The following DDX31 variants were observed in gnomAD, a reference collection of about 807,000 sequenced individuals.
The protein encoded by DDX31 is ATP-dependent DNA helicase DDX31.
In DDX31, 70 loss-of-function variants were observed where a neutral mutation model predicts 91.3. That is an observed-to-expected ratio of 0.77 (90% CI 0.63 to 0.94). The LOEUF (loss-of-function observed/expected upper bound fraction) is 0.94. DDX31 is among the 40% of genes least tolerant of loss of function. The pLI is 0.00. For missense variants in DDX31, 902 were observed against 925.0 expected (o/e 0.98, Z 0.32); for synonymous variants, 362 against 350.6 (o/e 1.03, Z -0.36).
chr9:132,606,559 C>T (rs759581820), intron 19 of DDX31, among the ~76,000 whole-genome samples: 6 of 152,214 alleles, frequency 3.9e-5, no homozygotes, highest in South Asian at 2.1e-4. Flanking sequence ...TCACCAGATG[C>T]TCCCGCTTAT....
At position 132,658,774 on chromosome 9, in the gene DDX31, C is replaced by T. The variant is rs781595006; in HGVS notation, c.524-39G>A. On this transcript the variant is annotated intron_variant, in intron 5 of 19. Transcript: ENST00000372159. ...AGCAGAAGCAATTAAAATCACACAC[C>T]CTACAGATGTTTAAGAAAAGCAAAG... The T allele has an allele frequency of 4.6e-5, 73 of 1,579,704 alleles. 1 individual carries two copies. Among genetic ancestry groups the T allele is most frequent in the Non-Finnish European group, 6.2e-5 (72 of 1,156,474 alleles).
In DDX31 at chr9:132,651,118, T is replaced by C. The variant is rs1180360122; in HGVS notation, c.634-2A>G. 1.9e-6 allele frequency: 3 copies of C among 1,608,420 alleles called. No individual in the cohort carries two copies. The highest frequency in any genetic ancestry group is 2.5e-6 in the Non-Finnish European group (3 of 1,178,176). ...AGTGTCAAAGCTTTGTAGAGCTAGC[T>C]GTAAAAATTTTAAAAGTTATAGATG... On this transcript the variant is annotated splice_acceptor_variant, in intron 7 of 19. Transcript: ENST00000372159. LOFTEE classifies it high-confidence loss of function.
At position 132,627,710 on chromosome 9, in the gene DDX31, G is replaced by A. The variant is rs781390109; in HGVS notation, c.1632-1965C>T. On this transcript the variant is annotated intron_variant, in intron 16 of 19. Transcript: ENST00000372159. ...TCTAGACAGAGGTGGCAATGGCCCAGGAACCTGTCTCTTGCCCTGTCTGCT... is the reference window on the plus strand; with the variant it reads ...TCTAGACAGAGGTGGCAATGGCCCAAGAACCTGTCTCTTGCCCTGTCTGCT... 9.9e-5 allele frequency among the ~76,000 whole-genome samples: 15 copies of A among 152,226 alleles called. 1 individual carries two copies. Among genetic ancestry groups the A allele is most frequent in the Non-Finnish European group, 1.9e-4 (13 of 68,044 alleles).
intron 19 of DDX31, among the ~76,000 whole-genome samples, chr9:132,608,957 C>T (rs747064719): frequency 3.0e-4 from 45 of 152,174 alleles, no homozygotes; most frequent in Admixed American, 6.5e-5. Flanking sequence ...TGCAGATTAG[C>T]TGCAAAGTCA....
intron 14 of DDX31, among the ~76,000 whole-genome samples, chr9:132,636,043 C>G (rs966800694): frequency 2.6e-5 from 4 of 152,204 alleles, no homozygotes; most frequent in Non-Finnish European, 4.4e-5. Context: ...CATCACTCCC[C>G]CAGAAGGACC....
chr9:132,664,365 C>T (rs1420523847), intron 1 of DDX31, among the ~76,000 whole-genome samples: 1 of 152,154 alleles, frequency 6.6e-6, no homozygotes, highest in East Asian at 1.9e-4. Flanking sequence ...AAAGCAAGTA[C>T]TCAGAGTTAA....
chr9:132,616,961 C>G (rs1216732214), intron 18 of DDX31, among the ~76,000 whole-genome samples: 1 of 152,198 alleles, frequency 6.6e-6, no homozygotes, highest in Admixed American at 6.5e-5. Context: ...CTGGTGACCA[C>G]AATTGCTCCT....
chr9:132,613,594 T>C (rs1439954941), intron 18 of DDX31, among the ~76,000 whole-genome samples: 1 of 152,172 alleles, frequency 6.6e-6, no homozygotes. Flanking sequence ...CTCAGGAGGC[T>C]GAGGCAGGAG....
chr9:132,601,321 TG>T (rs551099171), intron 19 of DDX31, among the ~76,000 whole-genome samples: 97 of 152,308 alleles, frequency 6.4e-4, no homozygotes, highest in African/African-American at 2.2e-3. Flanking sequence ...GAAGGTAGGG[TG>T]GCATAACTGT....
chr9:132,611,240 A>G (rs778971097), intron 19 of DDX31, among the ~76,000 whole-genome samples: 42 of 152,206 alleles, frequency 2.8e-4, no homozygotes, highest in Non-Finnish European at 3.4e-4. Flanking sequence ...TTGAACCCAG[A>G]AATCAGGACA....
intron 1 of DDX31, chr9:132,669,483 C>G (rs964397484): frequency 3.5e-6 from 3 of 861,906 alleles, no homozygotes; most frequent in Non-Finnish European, 4.8e-6. Context: ...AAAAAAAAAT[C>G]AGAGCTTAGT....
intron 8 of DDX31, among the ~76,000 whole-genome samples, 167 bp downstream of exon 8, chr9:132,650,908 G>A (rs557750923): frequency 6.6e-6 from 1 of 152,312 alleles, no homozygotes; most frequent in Non-Finnish European, 1.5e-5. Context: ...CTAGAAATTG[G>A]TAGGTTTAGA....
At position 132,594,055 on chromosome 9, in the gene DDX31, G is replaced by A. The variant is rs1224844412; in HGVS notation, c.*811C>T. ...GGTCGGGGGCGGGGGGCGGGCAGCT[G>A]TGGCCTGGGTCACAATACAAAGACC... On this transcript the variant is annotated 3_prime_UTR_variant, in exon 20 of 20. Coordinates refer to ENST00000372159, the MANE Select transcript of DDX31 (RefSeq NM_022779.9). 6.6e-6 allele frequency: 1 copy of A among 151,920 alleles called. No individual in the cohort carries two copies. The highest frequency in any genetic ancestry group is 1.5e-5 in the Non-Finnish European group (1 of 67,976). 9.4% of individuals were successfully genotyped at this position (151,920 alleles called of 1,614,324 possible). A position where few individuals can be genotyped will look rare whatever the true frequency, so the allele number is the denominator to read the frequency against.
intron 6 of DDX31, chr9:132,658,103 C>T (rs902762346): frequency 5.4e-6 from 3 of 557,016 alleles, no homozygotes; most frequent in African/African-American, 1.9e-5. Context: ...ACCAAATCAC[C>T]TTTATTGAGT....
chr9:132,612,385 CAT>C, intron 18 of DDX31, 130 bp from the exon 19 acceptor site: 1 of 950,112 alleles, frequency 1.1e-6, no homozygotes, highest in Non-Finnish European at 1.6e-6. Context: ...ACAATTACAA[CAT>C]ATACAAACAA....
intron 6 of DDX31, among the ~76,000 whole-genome samples, chr9:132,654,536 C>T (rs567084714): frequency 1.3e-5 from 2 of 152,230 alleles, no homozygotes; most frequent in South Asian, 2.1e-4. Flanking sequence ...TCTCTTGAAC[C>T]CAGGAGGTGG....
chr9:132,634,357 C>T (rs1832970417), intron 14 of DDX31, among the ~76,000 whole-genome samples: 1 of 152,104 alleles, frequency 6.6e-6, no homozygotes, highest in Admixed American at 6.5e-5. Flanking sequence ...TCTATCTACG[C>T]ATGCCCACGC....
intron 19 of DDX31, among the ~76,000 whole-genome samples, chr9:132,605,676 T>A (rs1830972803): frequency 6.6e-6 from 1 of 152,184 alleles, no homozygotes; most frequent in African/African-American, 2.4e-5. Context: ...GGTGTCTGCC[T>A]GGCTGGAGAG....
chr9:132,665,658 C>T (rs566981916), intron 1 of DDX31, among the ~76,000 whole-genome samples: 34 of 152,218 alleles, frequency 2.2e-4, no homozygotes, highest in South Asian at 4.1e-4. Context: ...TCTCTGTTGC[C>T]GCACCTGTAA....
Sources: gnomAD v4.1 joint callset for allele counts (sites outside exome capture counted in the v4.1 genomes callset) on GRCh38, gnomAD v4.1.1 for gene constraint, MANE v1.5 for transcripts, NCBI Gene and HGNC (gene_info 2026-07-23, HGNC 2026-07-21) for gene names.